Variants in OTOG observed in about 807,000 individuals in gnomAD.
OTOG encodes the protein otogelin.
Under a neutral mutation model 313.8 loss-of-function variants are expected in OTOG, and 296 were observed. That is an observed-to-expected ratio of 0.94 (90% confidence interval 0.86 to 1.04). The LOEUF is 1.04. OTOG is among the 50% of genes least tolerant of loss of function. OTOG has a pLI of 0.00. For synonymous variants in OTOG, 1,533 were observed against 1,554.9 expected (o/e 0.99, Z 0.33); for missense variants, 3,948 against 3,840.1 (o/e 1.03, Z -0.74).
chr11:17,629,166 G>T lies in OTOG; in HGVS notation c.6562G>T (p.Val2188Leu). 1 of 1,550,482 alleles carries T rather than the reference G, an allele frequency of 6.4e-7. No homozygotes were observed. Among genetic ancestry groups the T allele is most frequent in the Non-Finnish European group, 8.7e-7 (1 of 1,146,952 alleles). Residue 2188 changes from valine (V) to leucine (L), a missense_variant, in exon 40 of 56, where the codon GTG becomes TTG. Coordinates refer to ENST00000399397, the MANE Select transcript of OTOG (RefSeq NM_001292063.2). Reference sequence around the variant, plus strand: ...GGACTTGCAGCCTGTGTGGCCACCGGTGAGCAGGTATGGATTCAGAATTGA... The same window carrying T: ...GGACTTGCAGCCTGTGTGGCCACCGTTGAGCAGGTATGGATTCAGAATTGA... ...TVDLQPVWPP[V>L]SRYGFRIEDT...
chr11:17,578,719 G>A (rs1852597082), intron 23 of OTOG, among the ~76,000 whole-genome samples, 193 bp downstream of exon 23: 1 of 152,154 alleles, frequency 6.6e-6, no homozygotes. Context: ...CCTGGAGTGT[G>A]GGCTGGAGGA....
chr11:17,555,290 T>C (rs563082758), intron 6 of OTOG, among the ~76,000 whole-genome samples: 1 of 152,080 alleles, frequency 6.6e-6, no homozygotes, highest in South Asian at 2.1e-4. Context: ...AGTTACAATC[T>C]GTACCTGCCA....
At chr11:17,638,681 A>G (rs1005812407) in intron 48 of OTOG, 132 bp downstream of exon 48, 4 of 1,498,374 alleles carry the variant, frequency 2.7e-6, no homozygotes, top group Non-Finnish European at 3.6e-6. Flanking sequence ...AGAGGAAGCC[A>G]CCAGAATCAC....
chr11:17,629,099 G>A (rs1854052633), intron 39 of OTOG, 34 bp from the exon 40 acceptor site: 3 of 1,531,008 alleles, frequency 2.0e-6, no homozygotes, highest in African/African-American at 2.7e-5. Context: ...TGAATGGATG[G>A]ACAAGCTGTG....
At chr11:17,598,112 G>A (rs1853157492) in intron 30 of OTOG, among the ~76,000 whole-genome samples, 1 of 152,214 alleles carries the variant, frequency 6.6e-6, no homozygotes. Context: ...CACTTGCTGA[G>A]GGTCCACTGT....
intron 8 of OTOG, 73 bp downstream of exon 8, chr11:17,557,396 A>T: frequency 7.0e-7 from 1 of 1,428,606 alleles, no homozygotes; most frequent in Non-Finnish European, 9.6e-7. Flanking sequence ...GAGGGGTTGG[A>T]GGGGACTTGG....
chr11:17,643,024 A>T (rs755423634), intron 53 of OTOG, among the ~76,000 whole-genome samples: 1 of 152,212 alleles, frequency 6.6e-6, no homozygotes, highest in African/African-American at 2.4e-5. Flanking sequence ...GTTTTAACGG[A>T]TACTTGCCCC....
At chr11:17,624,308 C>A (rs1484293457) in intron 39 of OTOG, among the ~76,000 whole-genome samples, 5 of 152,176 alleles carry the variant, frequency 3.3e-5, no homozygotes, top group Non-Finnish European at 7.3e-5. Flanking sequence ...AGTCTTTAAT[C>A]TATCTTAAGT....
Position 17,632,102 on chromosome 11 carries a change from A to G in OTOG, c.6948A>G (p.Ser2316=). 2 of 1,551,016 alleles carry G rather than the reference A, an allele frequency of 1.3e-6. No homozygotes were observed. Among genetic ancestry groups the G allele is most frequent in the Non-Finnish European group, 1.7e-6 (2 of 1,147,006 alleles). The change falls in exon 42 of 56, where the codon TCA becomes TCG. Residue 2316 remains serine, a synonymous_variant. Coordinates refer to ENST00000399397, the MANE Select transcript of OTOG (RefSeq NM_001292063.2). ...SACHRFVPPE[S]FCELWIRDTK... is the part of the protein sequence containing the mutation. ...CATATGTCCAGGTGCCTCCGGAGTC[A>G]TTCTGTGAGCTGTGGATCCGGGACA...
intron 36 of OTOG, among the ~76,000 whole-genome samples, 163 bp downstream of exon 36, chr11:17,611,586 G>C (rs969613260): frequency 2.0e-5 from 3 of 152,244 alleles, no homozygotes; most frequent in African/African-American, 7.2e-5. Context: ...TGCCATAGCA[G>C]GGTTCCGCCT....
At chr11:17,593,044 C>T in intron 25 of OTOG, 149 bp from the exon 26 acceptor site, 1 of 771,018 alleles carries the variant, frequency 1.3e-6, no homozygotes, top group Non-Finnish European at 2.0e-6. Flanking sequence ...CTTCAGAGAA[C>T]AGAAGTCGCC....
intron 9 of OTOG, 36 bp downstream of exon 9, chr11:17,558,351 G>T: frequency 6.5e-7 from 1 of 1,547,330 alleles, no homozygotes; most frequent in Non-Finnish European, 8.7e-7. Context: ...CTACCCTAGA[G>T]CCTGACTTGC....
At chr11:17,593,374 C>G in intron 26 of OTOG, 47 bp downstream of exon 26, 1 of 1,545,304 alleles carries the variant, frequency 6.5e-7, no homozygotes, top group Admixed American at 2.0e-5. Flanking sequence ...TTACAGGTTA[C>G]CAGGGTTGGG....
rs927087603 is a variant in OTOG at position 17,633,798 on chromosome 11, C to T, written c.7191C>T (p.Gly2397=). 14 of 1,550,310 alleles carry T rather than the reference C, an allele frequency of 9.0e-6. No homozygotes were observed. The highest frequency in any genetic ancestry group is 2.4e-5 in the South Asian group (2 of 84,060). Residue 2397 remains glycine (G), a synonymous_variant, in exon 43 of 56, where the codon GGC becomes GGT. Coordinates refer to ENST00000399397, the MANE Select transcript of OTOG (RefSeq NM_001292063.2). ...PLDPEHCQVL[G]EGCVCSEGTI... is the part of the protein sequence containing the mutation. ...ACCCAGAGCACTGCCAGGTGCTGGG[C>T]GAGGGCTGCGTCTGCTCCGAGGGCA... is the stretch of plus-strand genomic sequence containing the variant.
intron 14 of OTOG, 57 bp downstream of exon 14, chr11:17,561,194 G>T: frequency 6.5e-7 from 1 of 1,541,680 alleles, no homozygotes. Context: ...ATAGGTTTTG[G>T]GGCAAGGAAT....
intron 15 of OTOG, among the ~76,000 whole-genome samples, chr11:17,568,605 T>C (rs1481054607): frequency 6.6e-6 from 1 of 152,224 alleles, no homozygotes; most frequent in Non-Finnish European, 1.5e-5. Context: ...ACATAGTTGG[T>C]GCTCAGTTAA....
chr11:17,560,985 C>T lies in OTOG; in HGVS notation c.1452-106C>T, dbSNP rs1852169117. On this transcript the variant is annotated intron_variant, in intron 13 of 55. Transcript: ENST00000399397. ...AATCCATGGGGGAAATCTCTACCAC[C>T]CATTTTAGAGATGGGAAGACTGAGG... 3.0e-6 allele frequency: 4 copies of T among 1,336,532 alleles called. No homozygotes were observed. The East Asian group carries it at 7.6e-5, about 25-fold the overall frequency. 82.8% of individuals were successfully genotyped at this position (1,336,532 alleles called of 1,614,324 possible). A position where few individuals can be genotyped will look rare whatever the true frequency, so the allele number is the denominator to read the frequency against.
At chr11:17,559,008 A>T (rs770270146) in intron 10 of OTOG, 44 bp from the exon 11 acceptor site, 143 of 1,462,446 alleles carry the variant, frequency 9.8e-5, no homozygotes, top group Middle Eastern at 6.9e-4. Flanking sequence ...GGCTGGTGGC[A>T]CTTTGGGTTT....
At chr11:17,631,544 G>T (rs201406083) in intron 40 of OTOG, among the ~76,000 whole-genome samples, 158 bp from the exon 41 acceptor site, 2 of 152,082 alleles carry the variant, frequency 1.3e-5, no homozygotes, top group Non-Finnish European at 2.9e-5. Flanking sequence ...TTTGTAGCAG[G>T]TTTCCTAGCT....
Sources: gnomAD v4.1 joint callset for allele counts (sites outside exome capture counted in the v4.1 genomes callset) on GRCh38, gnomAD v4.1.1 for gene constraint, MANE v1.5 for transcripts, NCBI Gene and HGNC (gene_info 2026-07-23, HGNC 2026-07-21) for gene names.